The following ESRRG variants were observed in gnomAD, a reference collection of about 807,000 sequenced individuals.
The protein encoded by ESRRG is estrogen related receptor gamma.
In ESRRG, 13 loss-of-function variants were observed where a neutral mutation model predicts 44.0. The ratio of observed to expected loss-of-function variants is 0.30; its 90% CI spans 0.19 to 0.47. The LOEUF is 0.47. Ranked by LOEUF, ESRRG falls within the 20% of genes least tolerant of loss-of-function variation. The pLI is 1.00. For missense variants in ESRRG, 395 were observed against 580.6 expected (o/e 0.68, Z 3.29); for synonymous variants, 215 against 214.6 (o/e 1.00, Z -0.02).
intron 1 of ESRRG, 117 bp downstream of exon 1, chr1:216,723,127 T>G: frequency 1.2e-6 from 1 of 808,862 alleles, no homozygotes; most frequent in South Asian, 1.6e-5. Context: ...AAACAAGCAG[T>G]CGTGCACACA....
At chr1:216,982,297 G>GA (rs573774776) in intron 1 of ESRRG, among the ~76,000 whole-genome samples, 337 of 152,172 alleles carry the variant, frequency 2.2e-3, no homozygotes, top group Non-Finnish European at 3.8e-3. Flanking sequence ...ATATTTTCTA[G>GA]AAAAAAGTAT....
At chr1:217,042,463 TACACACACAA>T (rs1487028931) in intron 1 of ESRRG, among the ~76,000 whole-genome samples, 2 of 82,752 alleles carry the variant, frequency 2.4e-5, no homozygotes, top group East Asian at 6.7e-4. Context: ...CACACACACA[TACACACACAA>T]ACACACACAC....
intron 1 of ESRRG, among the ~76,000 whole-genome samples, chr1:216,972,946 C>A (rs2072010291): frequency 6.6e-6 from 1 of 151,962 alleles, no homozygotes; most frequent in African/African-American, 2.4e-5. Context: ...TCTCTTTTAC[C>A]CTACATCTAA....
At chr1:216,818,810 T>A (rs753476668) in intron 2 of ESRRG, among the ~76,000 whole-genome samples, 1 of 152,114 alleles carries the variant, frequency 6.6e-6, no homozygotes, top group Non-Finnish European at 1.5e-5. Context: ...GTTCCCCCGA[T>A]GTGTCCATGT....
chr1:216,834,770 C>G (rs1375446572), intron 2 of ESRRG, among the ~76,000 whole-genome samples: 1 of 152,020 alleles, frequency 6.6e-6, no homozygotes, highest in Non-Finnish European at 1.5e-5. Context: ...AATTTGAAAA[C>G]AAAATGTTGT....
At chr1:216,733,016 C>T (rs570525086) in intron 2 of ESRRG, among the ~76,000 whole-genome samples, 1 of 150,704 alleles carries the variant, frequency 6.6e-6, no homozygotes, top group African/African-American at 2.4e-5. Context: ...AACCAAGAGA[C>T]TTAAAGAGGA....
chr1:216,564,194 T>G, intron 5 of ESRRG, 25 bp downstream of exon 5: 1 of 1,457,126 alleles, frequency 6.9e-7, no homozygotes, highest in African/African-American at 1.4e-5. Context: ...ACCTTTTCTT[T>G]TCTTTTTCTT....
At chr1:216,914,089 A>T (rs2060829355) in intron 2 of ESRRG, among the ~76,000 whole-genome samples, 1 of 151,946 alleles carries the variant, frequency 6.6e-6, no homozygotes, top group Admixed American at 6.6e-5. Flanking sequence ...AAATCATATT[A>T]GCTCCCCCTC....
intron 1 of ESRRG, among the ~76,000 whole-genome samples, chr1:216,685,313 T>G (rs1218607320): frequency 6.6e-6 from 1 of 152,086 alleles, no homozygotes; most frequent in Non-Finnish European, 1.5e-5. Flanking sequence ...GAATGTAACA[T>G]TTATTCAGTG....
At chr1:217,073,085 G>A (rs1167158248) in intron 1 of ESRRG, among the ~76,000 whole-genome samples, 1 of 150,698 alleles carries the variant, frequency 6.6e-6, no homozygotes, top group Non-Finnish European at 1.5e-5. Context: ...TGGCTGGGAA[G>A]TGTGAGAAAG....
At chr1:217,119,117 AGGAG>A in intron 1 of ESRRG, among the ~76,000 whole-genome samples, 1 of 152,344 alleles carries the variant, frequency 6.6e-6, no homozygotes, top group Admixed American at 6.5e-5. Flanking sequence ...ATCCAATTTC[AGGAG>A]TAGAATAAAA....
At chr1:216,777,968 G>A (rs899393333) in intron 2 of ESRRG, among the ~76,000 whole-genome samples, 1 of 151,918 alleles carries the variant, frequency 6.6e-6, no homozygotes, top group Admixed American at 6.6e-5. Flanking sequence ...TCACCTACCT[G>A]GTACCTATCA....
At chr1:216,882,768 A>T (rs1300112062) in intron 2 of ESRRG, among the ~76,000 whole-genome samples, 1 of 152,202 alleles carries the variant, frequency 6.6e-6, no homozygotes, top group Non-Finnish European at 1.5e-5. Context: ...TAGCATTAAA[A>T]ATGATCTCAG....
chr1:216,738,455 T>C (rs1350495588), intron 2 of ESRRG, among the ~76,000 whole-genome samples: 1 of 152,230 alleles, frequency 6.6e-6, no homozygotes, highest in Non-Finnish European at 1.5e-5. Context: ...CTAAATACTA[T>C]GCTTCAGAGT....
intron 1 of ESRRG, among the ~76,000 whole-genome samples, chr1:216,973,956 C>A (rs181065537): frequency 6.6e-6 from 1 of 151,986 alleles, no homozygotes; most frequent in African/African-American, 2.4e-5. Context: ...ACTATATGTT[C>A]GGGCCACTTT....
intron 1 of ESRRG, among the ~76,000 whole-genome samples, chr1:217,027,614 A>C (rs1179307085): frequency 6.6e-6 from 1 of 152,016 alleles, no homozygotes; most frequent in Non-Finnish European, 1.5e-5. Flanking sequence ...CGCAAACCAC[A>C]CCATTAAACT....
intron 2 of ESRRG, among the ~76,000 whole-genome samples, chr1:216,837,574 T>C (rs1449773006): frequency 1.3e-5 from 2 of 152,068 alleles, no homozygotes; most frequent in African/African-American, 2.4e-5. Context: ...GATAGCCCAG[T>C]GGGTTGGTGC....
At chr1:217,025,135 C>T (rs1173701447) in intron 1 of ESRRG, among the ~76,000 whole-genome samples, 1 of 152,128 alleles carries the variant, frequency 6.6e-6, no homozygotes, top group African/African-American at 2.4e-5. Flanking sequence ...CGATAAGTCC[C>T]AGAGTCTACA....
intron 1 of ESRRG, among the ~76,000 whole-genome samples, chr1:217,133,221 G>C (rs573919550): frequency 1.3e-5 from 2 of 152,242 alleles, no homozygotes; most frequent in Non-Finnish European, 2.9e-5. Flanking sequence ...TTTCCTAAGC[G>C]ACGGAAGCTC....
Sources: gnomAD v4.1 joint callset for allele counts (sites outside exome capture counted in the v4.1 genomes callset) on GRCh38, gnomAD v4.1.1 for gene constraint, MANE v1.5 for transcripts, NCBI Gene and HGNC (gene_info 2026-07-23, HGNC 2026-07-21) for gene names.